The following RBFOX1 variants were observed in gnomAD, a reference collection of about 807,000 sequenced individuals.
The protein encoded by RBFOX1 is RNA binding protein fox-1 homolog 1.
Under a neutral mutation model 57.7 loss-of-function variants are expected in RBFOX1, and 8 were observed. The ratio of observed to expected loss-of-function variants is 0.14; its 90% CI spans 0.08 to 0.25. RBFOX1 has a LOEUF of 0.25. Among genes scored for constraint, RBFOX1 ranks in the 10% least tolerant of loss-of-function variants. The pLI, the probability that RBFOX1 is intolerant of heterozygous loss-of-function variation, is 1.00. For missense variants in RBFOX1, 611 were observed against 548.5 expected, an observed-to-expected ratio of 1.11 and a Z score of -1.14; for synonymous variants, 326 against 222.4, an observed-to-expected ratio of 1.47 and a Z score of -4.15.
At chr16:6,298,179 G>A (rs1294874467) in intron 1 of RBFOX1, among the ~76,000 whole-genome samples, 2 of 152,188 alleles carry the variant, frequency 1.3e-5, no homozygotes, top group African/African-American at 2.4e-5. Context: ...CCTGTAAGGG[G>A]TTTGAGCAGT....
chr16:6,873,212 C>T (rs1008536705), intron 3 of RBFOX1, among the ~76,000 whole-genome samples: 1 of 151,236 alleles, frequency 6.6e-6, no homozygotes, highest in Admixed American at 6.6e-5. Flanking sequence ...ATTTTTGCCT[C>T]CTTTTTCATT....
intron 3 of RBFOX1, among the ~76,000 whole-genome samples, chr16:5,637,142 C>G (rs1304150643): frequency 6.6e-6 from 1 of 152,214 alleles, no homozygotes; most frequent in Non-Finnish European, 1.5e-5. Flanking sequence ...AATCTTATTT[C>G]TACCTGATAT....
chr16:6,569,044 A>G (rs944378443), intron 2 of RBFOX1, among the ~76,000 whole-genome samples: 1 of 152,156 alleles, frequency 6.6e-6, no homozygotes, highest in African/African-American at 2.4e-5. Context: ...CAATACTGGG[A>G]TTAGAGATAG....
At chr16:5,906,566 G>A (rs533536347) in intron 4 of RBFOX1, among the ~76,000 whole-genome samples, 1 of 152,082 alleles carries the variant, frequency 6.6e-6, no homozygotes, top group East Asian at 1.9e-4. Flanking sequence ...ACTTTATTAT[G>A]GCAGCCCTCC....
intron 3 of RBFOX1, among the ~76,000 whole-genome samples, chr16:5,822,240 G>A (rs778184503): frequency 6.6e-6 from 1 of 152,292 alleles, no homozygotes; most frequent in Admixed American, 6.5e-5. Context: ...CTATGAGGAT[G>A]CAAAGGCATA....
intron 2 of RBFOX1, among the ~76,000 whole-genome samples, chr16:6,563,242 G>C (rs1171138551): frequency 6.6e-6 from 1 of 152,062 alleles, no homozygotes; most frequent in Non-Finnish European, 1.5e-5. Flanking sequence ...AGCATCCTGT[G>C]CAACACGCAT....
At chr16:5,973,561 G>T (rs541522054) in intron 4 of RBFOX1, among the ~76,000 whole-genome samples, 6 of 152,292 alleles carry the variant, frequency 3.9e-5, no homozygotes, top group South Asian at 2.1e-4. Context: ...TTTTGTTATT[G>T]TTAGGTTGCT....
intron 1 of RBFOX1, among the ~76,000 whole-genome samples, chr16:5,295,778 T>C (rs1056453335): frequency 1.3e-5 from 2 of 152,154 alleles, no homozygotes; most frequent in African/African-American, 4.8e-5. Flanking sequence ...TATAAGAAAG[T>C]CATAGGCCCC....
chr16:5,610,221 A>G (rs987344369), intron 3 of RBFOX1: 13 of 152,252 alleles, frequency 8.5e-5, no homozygotes, highest in African/African-American at 3.1e-4. Flanking sequence ...CCCAGCACCT[A>G]TGCCTGTGCC....
chr16:5,418,355 G>C (rs564308485), intron 1 of RBFOX1, among the ~76,000 whole-genome samples: 1 of 152,106 alleles, frequency 6.6e-6, no homozygotes, highest in Admixed American at 6.5e-5. Context: ...GCGGTCACAG[G>C]TGTCTGAGAA....
chr16:7,597,782 G>C (rs530677845), intron 9 of RBFOX1, among the ~76,000 whole-genome samples: 2 of 152,192 alleles, frequency 1.3e-5, no homozygotes, highest in Admixed American at 6.5e-5. Flanking sequence ...AATACCATCT[G>C]CTCGTTGATT....
At chr16:5,467,261 G>C in intron 2 of RBFOX1, 1 of 1,491,258 alleles carries the variant, frequency 6.7e-7, no homozygotes. Context: ...TCAGGTAAGT[G>C]CTCATTTTGT....
At chr16:6,535,069 A>T (rs1387273555) in intron 2 of RBFOX1, among the ~76,000 whole-genome samples, 1 of 152,198 alleles carries the variant, frequency 6.6e-6, no homozygotes, top group African/African-American at 2.4e-5. Flanking sequence ...AGCAAAAGCC[A>T]GGTTGGGACC....
chr16:6,867,494 G>A (rs1056074958), intron 3 of RBFOX1, among the ~76,000 whole-genome samples: 6 of 152,126 alleles, frequency 3.9e-5, no homozygotes, highest in South Asian at 2.1e-4. Context: ...CGAGACAGGC[G>A]GATCACTTGA....
chr16:7,434,355 C>G (rs985133134), intron 4 of RBFOX1, among the ~76,000 whole-genome samples: 2 of 152,036 alleles, frequency 1.3e-5, no homozygotes, highest in African/African-American at 2.4e-5. Context: ...GCCAGTAGTC[C>G]CAGCTACTCT....
intron 3 of RBFOX1, among the ~76,000 whole-genome samples, chr16:6,806,842 T>A (rs1234370226): frequency 7.5e-5 from 4 of 53,382 alleles, no homozygotes; most frequent in Admixed American, 1.9e-4. Context: ...ATATATTTTT[T>A]TTTTTTTTTG....
chr16:7,668,804 G>A (rs545011786), intron 13 of RBFOX1, among the ~76,000 whole-genome samples: 1 of 152,220 alleles, frequency 6.6e-6, no homozygotes, highest in East Asian at 1.9e-4. Context: ...TTAAAAAGTG[G>A]ATCAAGTTAA....
At chr16:6,445,179 A>G (rs1483699128) in intron 2 of RBFOX1, among the ~76,000 whole-genome samples, 1 of 152,184 alleles carries the variant, frequency 6.6e-6, no homozygotes, top group Non-Finnish European at 1.5e-5. Flanking sequence ...CATGAGAATA[A>G]GAGAGAACAG....
chr16:5,391,046 C>T (rs1596808838), intron 1 of RBFOX1, among the ~76,000 whole-genome samples: 1 of 152,228 alleles, frequency 6.6e-6, no homozygotes, highest in African/African-American at 2.4e-5. Context: ...TGTCTTCTTA[C>T]TTCCCATCCT....
Sources: allele counts gnomAD v4.1 joint callset (sites outside exome capture counted in the v4.1 genomes callset), GRCh38; gene constraint gnomAD v4.1.1; transcripts MANE v1.5; gene names NCBI Gene and HGNC (gene_info 2026-07-23, HGNC 2026-07-21).